The following TASP1 variants were observed in gnomAD, a reference collection of about 807,000 sequenced individuals.
TASP1 encodes the protein taspase 1.
Under a neutral mutation model 56.6 loss-of-function variants are expected in TASP1, and 16 were observed. That is an observed-to-expected ratio of 0.28 (90% CI 0.19 to 0.43). TASP1 has a LOEUF of 0.43. TASP1 is among the 20% of genes least tolerant of loss of function. The pLI is 1.00. For synonymous variants in TASP1, 179 were observed against 184.2 expected, an observed-to-expected ratio of 0.97 and a Z score of 0.23; for missense variants, 393 against 511.6, an observed-to-expected ratio of 0.77 and a Z score of 2.24.
At chr20:13,107,597 G>A in the TASP1 span, among the ~76,000 whole-genome samples, 9 of 151,890 alleles carry the variant, frequency 5.9e-5, no homozygotes, top group Middle Eastern at 6.8e-3. Flanking sequence ...GATAAAAAGA[G>A]AAAAAAACAA....
the TASP1 span, among the ~76,000 whole-genome samples, chr20:13,326,177 T>C: frequency 1.3e-5 from 2 of 152,216 alleles, no homozygotes; most frequent in African/African-American, 2.4e-5. Flanking sequence ...TAGCATTCCA[T>C]GTATGGATGC....
At chr20:13,126,084 C>A in the TASP1 span, among the ~76,000 whole-genome samples, 211 of 152,288 alleles carry the variant, frequency 1.4e-3, no homozygotes, top group African/African-American at 4.6e-3. Context: ...CTCATTGGAA[C>A]CTTCTCTAAC....
intron 4 of TASP1, among the ~76,000 whole-genome samples, chr20:13,609,686 CAAA>C (rs71188167): frequency 2.0e-5 from 1 of 49,968 alleles, no homozygotes; most frequent in Non-Finnish European, 4.2e-5. Flanking sequence ...AACTCTGTCT[CAAA>C]AAAAAAAAAA....
intron 8 of TASP1, among the ~76,000 whole-genome samples, chr20:13,544,476 T>C (rs2045735364): frequency 6.6e-6 from 1 of 152,180 alleles, no homozygotes; most frequent in Non-Finnish European, 1.5e-5. Flanking sequence ...ACCAAGATCA[T>C]TTGGTAGTTT....
At chr20:13,521,501 A>G (rs898503308) in intron 10 of TASP1, among the ~76,000 whole-genome samples, 8 of 152,122 alleles carry the variant, frequency 5.3e-5, no homozygotes, top group Non-Finnish European at 1.2e-4. Context: ...GGAAACCATC[A>G]TTCCATCATT....
intron 11 of TASP1, among the ~76,000 whole-genome samples, chr20:13,463,278 T>C (rs2044123996): frequency 6.6e-6 from 1 of 152,128 alleles, no homozygotes; most frequent in Admixed American, 6.6e-5. Context: ...GGATAGTCTT[T>C]TTCGATAATG....
At chr20:13,205,270 C>T in the TASP1 span, among the ~76,000 whole-genome samples, 6 of 152,166 alleles carry the variant, frequency 3.9e-5, no homozygotes, top group African/African-American at 9.7e-5. Flanking sequence ...AGCCCTTTCC[C>T]ACCTCCAGGA....
chr20:13,109,771 T>C, the TASP1 span, among the ~76,000 whole-genome samples: 1 of 152,158 alleles, frequency 6.6e-6, no homozygotes, highest in African/African-American at 2.4e-5. Flanking sequence ...TCAGAGTTCA[T>C]TTCAGCCTGC....
At chr20:13,133,456 G>A in the TASP1 span, among the ~76,000 whole-genome samples, 1 of 152,024 alleles carries the variant, frequency 6.6e-6, no homozygotes, top group African/African-American at 2.4e-5. Context: ...ATAACAGGTC[G>A]GGCATGGTGG....
At chr20:13,586,865 C>A (rs2147253011) in intron 5 of TASP1, among the ~76,000 whole-genome samples, 2 of 151,862 alleles carry the variant, frequency 1.3e-5, no homozygotes, top group South Asian at 4.2e-4. Flanking sequence ...TAGATAAAAG[C>A]ACTGGATTTT....
chr20:13,514,192 T>C (rs2044439154), intron 10 of TASP1, among the ~76,000 whole-genome samples: 1 of 152,138 alleles, frequency 6.6e-6, no homozygotes. Flanking sequence ...TCTTAGCAGA[T>C]TTCAATTGGG....
At chr20:13,594,646 T>C (rs2047660628) in intron 4 of TASP1, among the ~76,000 whole-genome samples, 1 of 151,816 alleles carries the variant, frequency 6.6e-6, no homozygotes, top group African/African-American at 2.4e-5. Context: ...ATTAAATTAA[T>C]GAAATAAAGT....
the TASP1 span, among the ~76,000 whole-genome samples, chr20:13,349,142 G>A: frequency 2.6e-5 from 4 of 152,180 alleles, no homozygotes; most frequent in African/African-American, 4.8e-5. Context: ...CCTTTTGAGG[G>A]GACAGAAATG....
At chr20:13,254,048 T>A in the TASP1 span, among the ~76,000 whole-genome samples, 3 of 119,562 alleles carry the variant, frequency 2.5e-5, no homozygotes, top group African/African-American at 1.0e-4. Flanking sequence ...CAAAACCCCA[T>A]CATCTCTACT....
intron 10 of TASP1, among the ~76,000 whole-genome samples, 197 bp downstream of exon 10, chr20:13,528,236 A>G (rs960648171): frequency 1.3e-5 from 2 of 151,160 alleles, no homozygotes; most frequent in African/African-American, 2.4e-5. Context: ...AAAAAAAAAA[A>G]AAAAAAAAGA....
the TASP1 span, among the ~76,000 whole-genome samples, chr20:13,219,477 C>G: frequency 6.6e-6 from 1 of 150,910 alleles, no homozygotes; most frequent in Admixed American, 6.6e-5. Context: ...ACTCCAGTGA[C>G]AATTATTGGC....
rs551477239 is a variant in TASP1, at chr20:13,435,403, T to A, written c.986-249A>T. On this transcript the variant is annotated intron_variant, in intron 11 of 13. Coordinates refer to ENST00000337743, the MANE Select transcript of TASP1 (RefSeq NM_017714.3). Reference sequence around the variant, plus strand: ...AAGTGGGGGAGGGAATGTGCATTACTGTATTCAGAATGGAATTGGAAATGC... The same window carrying A: ...AAGTGGGGGAGGGAATGTGCATTACAGTATTCAGAATGGAATTGGAAATGC... Among the ~76,000 whole-genome samples, 7 of 152,284 alleles carry A rather than the reference T, an allele frequency of 4.6e-5. No individual in the cohort carries two copies. The East Asian group carries it at 1.4e-3, about 29-fold the overall frequency.
chr20:13,112,955 G>C, the TASP1 span, among the ~76,000 whole-genome samples: 4 of 152,156 alleles, frequency 2.6e-5, no homozygotes, highest in African/African-American at 9.7e-5. Context: ...GACCAAGGCA[G>C]GTGGATTACT....
chr20:13,347,267 C>T, the TASP1 span, among the ~76,000 whole-genome samples: 13 of 152,160 alleles, frequency 8.5e-5, no homozygotes, highest in Admixed American at 5.2e-4. Context: ...TTTTCAAGTA[C>T]TAAGGAGGAA....
Sources: allele counts gnomAD v4.1 joint callset (sites outside exome capture counted in the v4.1 genomes callset), GRCh38; gene constraint gnomAD v4.1.1; transcripts MANE v1.5; gene names NCBI Gene and HGNC (gene_info 2026-07-23, HGNC 2026-07-21).